Variants in BET1 observed in about 807,000 individuals in gnomAD.
BET1 encodes BET1 homolog.
BET1 carries 9 observed loss-of-function variants against 13.9 expected under a neutral mutation model. The ratio of observed to expected loss-of-function variants is 0.65; its 90% CI spans 0.39 to 1.13. The LOEUF (loss-of-function observed/expected upper bound fraction) is 1.13, where lower values mean the gene tolerates loss of function less well. BET1 is among the 50% of genes most tolerant of loss of function. The pLI is 0.01. For missense variants in BET1, 127 were observed against 133.6 expected, an observed-to-expected ratio of 0.95 and a Z score of 0.24; for synonymous variants, 39 against 47.3, an observed-to-expected ratio of 0.82 and a Z score of 0.72.
At chr7:93,982,415 G>A (rs1343205977) in intron 4 of BET1, among the ~76,000 whole-genome samples, 1 of 152,082 alleles carries the variant, frequency 6.6e-6, no homozygotes, top group Non-Finnish European at 1.5e-5. Flanking sequence ...GTAATTTGGT[G>A]ATTCTGGTTC....
chr7:93,969,173 A>G (rs916162057), intron 6 of BET1, among the ~76,000 whole-genome samples: 6 of 151,866 alleles, frequency 4.0e-5, no homozygotes, highest in African/African-American at 7.2e-5. Flanking sequence ...AGTGAGGAGT[A>G]AGAGGAGGAA....
Position 93,993,829 on chromosome 7 carries a change from C to T in BET1, c.*401G>A. On this transcript the variant is annotated 3_prime_UTR_variant, in exon 4 of 4. Transcript: ENST00000222547. ...CAATTACCATTTTACCACAAACTGG[C>T]TGACTACTTCAAGAGCTCAGAGTCA... is the stretch of plus-strand genomic sequence containing the variant. 5 of 1,530,728 alleles carry T rather than the reference C, an allele frequency of 3.3e-6. No homozygotes were observed. Among genetic ancestry groups the T allele is most frequent in the Non-Finnish European group, 4.4e-6 (5 of 1,145,132 alleles). 94.8% of individuals were successfully genotyped at this position (1,530,728 alleles called of 1,614,324 possible). A position where few individuals can be genotyped will look rare whatever the true frequency, so the allele number is the denominator to read the frequency against.
rs143544618 is a variant in BET1 at position 93,981,099 on chromosome 7, T to A, written c.236-4999A>T. ...TTCCTATATGAATTTTTTGTTAATATTTGTAGTATTTTATCTGTCATTTCT... is the reference window on the plus strand; with the variant it reads ...TTCCTATATGAATTTTTTGTTAATAATTGTAGTATTTTATCTGTCATTTCT... On this transcript the variant is annotated intron_variant and NMD_transcript_variant, in intron 4 of 6. Transcript: ENST00000357520. Among the ~76,000 whole-genome samples the A allele has an allele frequency of 8.1e-4, 123 of 152,318 alleles. 1 individual carries two copies. In the East Asian group the frequency reaches 0.022, roughly 27 times the overall value.
At chr7:93,972,780 T>G (rs1254349462) in intron 5 of BET1, 2 of 151,870 alleles carry the variant, frequency 1.3e-5, no homozygotes, top group Non-Finnish European at 2.9e-5. Flanking sequence ...TTTCCTATTA[T>G]TTTTGAAACA....
chr7:93,973,519 A>AACTCCTTCAC (rs1234415357), intron 5 of BET1, among the ~76,000 whole-genome samples: 1 of 151,952 alleles, frequency 6.6e-6, no homozygotes, highest in East Asian at 1.9e-4. Flanking sequence ...GTTTTCATGA[A>AACTCCTTCAC]ATAGATTTTC....
At chr7:93,989,389 CT>C (rs1183145407), downstream of BET1, among the ~76,000 whole-genome samples, 3 of 151,810 alleles carry the variant, frequency 2.0e-5, no homozygotes, top group Non-Finnish European at 2.9e-5. Flanking sequence ...TTTGTAGTTT[CT>C]TTTTTAAAAA....
downstream of BET1, among the ~76,000 whole-genome samples, chr7:93,988,930 A>AAT (rs968994311): frequency 5.1e-4 from 76 of 148,196 alleles, no homozygotes; most frequent in African/African-American, 1.4e-3. Flanking sequence ...AAGTTAAGCA[A>AAT]ATATATATAT....
intron 4 of BET1, among the ~76,000 whole-genome samples, chr7:93,983,662 A>C (rs917428279): frequency 2.6e-5 from 4 of 152,166 alleles, no homozygotes; most frequent in African/African-American, 9.6e-5. Flanking sequence ...TCCTCATTTC[A>C]GAATATTTTC....
chr7:93,991,738 C>A, downstream of BET1: 1 of 916,108 alleles, frequency 1.1e-6, no homozygotes, highest in Non-Finnish European at 1.3e-6. Context: ...AGTGTAACTT[C>A]ATAGCCTTTG....
intron 4 of BET1, among the ~76,000 whole-genome samples, chr7:93,986,895 A>G (rs1249128593): frequency 6.6e-6 from 1 of 152,120 alleles, no homozygotes; most frequent in African/African-American, 2.4e-5. Flanking sequence ...CTGTGTTACA[A>G]TTGCCTACAC....
At chr7:93,997,592 A>C (rs780369393) in intron 2 of BET1, among the ~76,000 whole-genome samples, 1 of 152,204 alleles carries the variant, frequency 6.6e-6, no homozygotes, top group African/African-American at 2.4e-5. Flanking sequence ...TTCAAAATCT[A>C]AAGGTCTCCA....
At chr7:93,988,931 A>G (rs924487286), downstream of BET1, among the ~76,000 whole-genome samples, 5 of 147,910 alleles carry the variant, frequency 3.4e-5, no homozygotes, top group Non-Finnish European at 7.4e-5. Flanking sequence ...AGTTAAGCAA[A>G]TATATATATA....
chr7:93,994,458 G>C, intron 3 of BET1, 73 bp from the exon 4 acceptor site: 1 of 1,411,094 alleles, frequency 7.1e-7, no homozygotes, highest in Non-Finnish European at 9.6e-7. Flanking sequence ...CCAAGTAATT[G>C]AATAACTGTT....
At chr7:93,976,062 C>CACTGCT (rs777657442) in exon 5 of BET1, 4 of 1,274,338 alleles carry the variant, frequency 3.1e-6, no homozygotes, top group Non-Finnish European at 4.1e-6. Flanking sequence ...AGTAGGCTTT[C>CACTGCT]ACTGCTACTG....
intron 4 of BET1, among the ~76,000 whole-genome samples, chr7:93,987,502 GT>G (rs1795549406): frequency 4.6e-5 from 7 of 152,114 alleles, no homozygotes; most frequent in Admixed American, 4.6e-4. Flanking sequence ...CATCTTCACT[GT>G]GGCTGGGTCA....
rs1310674592 is a variant in BET1, at chr7:93,993,347, C to A, written c.*883G>T. On this transcript the variant is annotated 3_prime_UTR_variant, in exon 4 of 4. Coordinates refer to ENST00000222547, the MANE Select transcript of BET1 (RefSeq NM_005868.6). The stretch of plus-strand genomic sequence containing the variant: ...TTAACAATATTTAATATTTTTTACT[C>A]AACAGTCTGCCTTTGTGTTTTTCTT... 1.1e-6 allele frequency: 1 copy of A among 950,510 alleles called. No homozygotes were observed. The highest frequency in any genetic ancestry group is 1.8e-5 in the African/African-American group (1 of 56,408). 58.9% of individuals were successfully genotyped at this position (950,510 alleles called of 1,614,324 possible).
intron 1 of BET1, chr7:93,999,726 C>T (rs1221769784): frequency 6.6e-6 from 3 of 456,042 alleles, no homozygotes; most frequent in Non-Finnish European, 1.3e-5. Context: ...GAGCTCATAG[C>T]GGCGAGGGTT....
downstream of BET1, chr7:93,992,266 T>A: frequency 2.0e-6 from 2 of 985,344 alleles, no homozygotes; most frequent in Non-Finnish European, 2.4e-6. Context: ...AAATCCCTTT[T>A]CCTGAAATCT....
At chr7:93,976,572 T>C (rs983338850) in intron 4 of BET1, among the ~76,000 whole-genome samples, 2 of 152,152 alleles carry the variant, frequency 1.3e-5, no homozygotes, top group Non-Finnish European at 2.9e-5. Context: ...AATTTTATTG[T>C]TCTTTAAAAA....
Sources: allele counts gnomAD v4.1 joint callset (sites outside exome capture counted in the v4.1 genomes callset), GRCh38; gene constraint gnomAD v4.1.1; transcripts MANE v1.5; gene names NCBI Gene and HGNC (gene_info 2026-07-23, HGNC 2026-07-21).